CLASP2: variants seen among roughly 807,000 people sequenced by gnomAD.
CLASP2 encodes the protein cytoplasmic linker associated protein 2.
In CLASP2, 47 loss-of-function variants were observed where a neutral mutation model predicts 194.4. The observed-to-expected ratio is 0.24, with a 90% confidence interval of 0.19 to 0.31. The LOEUF is 0.31. CLASP2 is among the 10% of genes least tolerant of loss of function. The probability of loss-of-function intolerance (pLI) is 1.00; values close to 1 mark genes in which losing one functional copy is unlikely to be tolerated. For missense variants in CLASP2, 1,445 were observed against 1,823.6 expected, an observed-to-expected ratio of 0.79 and a Z score of 3.78; for synonymous variants, 619 against 633.5, an observed-to-expected ratio of 0.98 and a Z score of 0.34.
intron 20 of CLASP2, among the ~76,000 whole-genome samples, chr3:33,594,306 T>C (rs927764356): frequency 7.2e-5 from 11 of 152,158 alleles, no homozygotes; most frequent in African/African-American, 2.2e-4. Flanking sequence ...AAAATTTATA[T>C]TTTGAATCGG....
chr3:33,663,197 C>CAAAAA (rs60671856), intron 7 of CLASP2, among the ~76,000 whole-genome samples: 25 of 100,752 alleles, frequency 2.5e-4, no homozygotes, highest in East Asian at 8.4e-4. Flanking sequence ...GCAGTATCAC[C>CAAAAA]AAAAAAAAAA....
chr3:33,699,944 G>T lies in CLASP2; in HGVS notation c.196-3011C>A. ...AGTTAAAATAAAAGATATTTTAAAAGACATTTTAAAACTAAAGGAGAAATA... is the reference window on the plus strand; with the variant it reads ...AGTTAAAATAAAAGATATTTTAAAATACATTTTAAAACTAAAGGAGAAATA... On this transcript the variant is annotated intron_variant, in intron 1 of 38. Transcript: ENST00000682230. 1.4e-5 allele frequency among the ~76,000 whole-genome samples: 2 copies of T among 144,992 alleles called. 1 individual carries two copies. Among genetic ancestry groups the T allele is most frequent in the Middle Eastern group, 7.2e-3 (2 of 278 alleles).
chr3:33,592,202 G>GA, intron 21 of CLASP2, 193 bp downstream of exon 21: 1 of 706,140 alleles, frequency 1.4e-6, no homozygotes, highest in Non-Finnish European at 2.6e-6. Context: ...CCAAAACATT[G>GA]AAAAAAATAC....
chr3:33,511,717 A>AGAT (rs1320370739), intron 36 of CLASP2, among the ~76,000 whole-genome samples: 3 of 71,018 alleles, frequency 4.2e-5, no homozygotes, highest in East Asian at 4.5e-4. Context: ...TAAAAATAAA[A>AGAT]CAAACAACCC....
At chr3:33,670,111 CAT>C (rs1324298737) in intron 6 of CLASP2, among the ~76,000 whole-genome samples, 5 of 152,042 alleles carry the variant, frequency 3.3e-5, no homozygotes, top group Non-Finnish European at 4.4e-5. Context: ...TACACGCACA[CAT>C]ATATATACAC....
chr3:33,607,775 G>T (rs962840455), intron 14 of CLASP2, among the ~76,000 whole-genome samples: 1 of 152,040 alleles, frequency 6.6e-6, no homozygotes, highest in African/African-American at 2.4e-5. Context: ...GAGAAAAAAA[G>T]AATCTTCTGT....
chr3:33,666,852 C>T (rs1195093980), intron 6 of CLASP2, among the ~76,000 whole-genome samples: 1 of 152,170 alleles, frequency 6.6e-6, no homozygotes, highest in Non-Finnish European at 1.5e-5. Context: ...AATTGCTCTA[C>T]ATCCTCATCA....
chr3:33,537,519 C>T (rs1232493608), intron 33 of CLASP2, among the ~76,000 whole-genome samples: 1 of 152,098 alleles, frequency 6.6e-6, no homozygotes, highest in Non-Finnish European at 1.5e-5. Flanking sequence ...TCTAAGCTGT[C>T]AGAGAAAAGT....
intron 1 of CLASP2, among the ~76,000 whole-genome samples, chr3:33,706,557 T>C (rs181263244): frequency 4.1e-4 from 63 of 152,300 alleles, no homozygotes; most frequent in African/African-American, 1.3e-3. Context: ...ATAAATCTTA[T>C]TGTTGTTGAC....
intron 7 of CLASP2, among the ~76,000 whole-genome samples, chr3:33,647,037 G>A (rs1361379342): frequency 6.6e-6 from 1 of 152,128 alleles, no homozygotes; most frequent in African/African-American, 2.4e-5. Flanking sequence ...TTTCTACTGT[G>A]TGAAAGTACC....
At position 33,497,199 on chromosome 3, in the gene CLASP2, A is replaced by C. The variant is rs2045907818; in HGVS notation, c.*1432T>G. 6.6e-6 allele frequency: 1 copy of C among 152,564 alleles called. No homozygotes were observed. The highest frequency in any genetic ancestry group is 1.5e-5 in the Non-Finnish European group (1 of 68,022). 9.5% of individuals were successfully genotyped at this position (152,564 alleles called of 1,614,324 possible). A position where few individuals can be genotyped will look rare whatever the true frequency, so the allele number is the denominator to read the frequency against. On this transcript the variant is annotated 3_prime_UTR_variant, in exon 39 of 39. Coordinates refer to ENST00000682230, the MANE Select transcript of CLASP2 (RefSeq NM_001365631.1). Reference sequence around the variant, plus strand: ...ATCATCCATTCAGTACTCTTGTCTTAAATTCTTTACATATATTTCTACATT... The same window carrying C: ...ATCATCCATTCAGTACTCTTGTCTTCAATTCTTTACATATATTTCTACATT...
intron 34 of CLASP2, among the ~76,000 whole-genome samples, chr3:33,534,883 G>A (rs541542934): frequency 6.6e-6 from 1 of 151,946 alleles, no homozygotes; most frequent in Non-Finnish European, 1.5e-5. Context: ...ATAAAGAATG[G>A]GTATTTCTTC....
rs1193192965 is a variant in CLASP2 at position 33,507,180 on chromosome 3, G to C, written c.4317+3378C>G. On this transcript the variant is annotated intron_variant, in intron 37 of 38. Transcript: ENST00000682230. ...TTGAACTCCTGACCTCAGGTGATTT[G>C]CCTGCCTCAGCTTCCCAGAGTGCTG... Among the ~76,000 whole-genome samples the C allele has an allele frequency of 2.6e-5, 4 of 151,972 alleles. No homozygotes were observed. The East Asian group carries it at 7.7e-4, about 29-fold the overall frequency.
At chr3:33,551,466 A>G (rs2059991419) in intron 29 of CLASP2, 71 bp from the exon 30 acceptor site, 4 of 1,457,420 alleles carry the variant, frequency 2.7e-6, no homozygotes, top group Non-Finnish European at 3.7e-6. Flanking sequence ...CATTTCAAAA[A>G]TAATCAGGTG....
chr3:33,588,299 A>T (rs1471221476), intron 21 of CLASP2, among the ~76,000 whole-genome samples: 1 of 152,210 alleles, frequency 6.6e-6, no homozygotes, highest in Non-Finnish European at 1.5e-5. Context: ...TTCTTTTGGG[A>T]AAACCAGAGT....
chr3:33,581,737 G>T, intron 23 of CLASP2, 84 bp downstream of exon 23: 1 of 883,604 alleles, frequency 1.1e-6, no homozygotes, highest in Non-Finnish European at 1.8e-6. Context: ...GACAAAGAAA[G>T]CTAAATCCCA....
At chr3:33,687,015 G>A (rs2090759310) in intron 5 of CLASP2, 45 bp downstream of exon 5, 1 of 1,118,332 alleles carries the variant, frequency 8.9e-7, no homozygotes, top group African/African-American at 1.6e-5. Flanking sequence ...AAAAGAAATG[G>A]TAGCCAAAAA....
intron 26 of CLASP2, among the ~76,000 whole-genome samples, chr3:33,569,963 T>C (rs1255250605): frequency 6.6e-6 from 1 of 152,060 alleles, no homozygotes; most frequent in African/African-American, 2.4e-5. Context: ...AAAGTGAAAT[T>C]CATTAATATT....
At chr3:33,548,521 T>G (rs1300745442) in intron 30 of CLASP2, among the ~76,000 whole-genome samples, 1 of 151,988 alleles carries the variant, frequency 6.6e-6, no homozygotes, top group Non-Finnish European at 1.5e-5. Flanking sequence ...ATGGTCTTGA[T>G]CTCCTGACCT....
Sources: allele counts gnomAD v4.1 joint callset (sites outside exome capture counted in the v4.1 genomes callset), GRCh38; gene constraint gnomAD v4.1.1; transcripts MANE v1.5; gene names NCBI Gene and HGNC (gene_info 2026-07-23, HGNC 2026-07-21).